The following TENM3 variants were observed in gnomAD, a reference collection of about 807,000 sequenced individuals.
The protein encoded by TENM3 is teneurin-3.
Under a neutral mutation model 255.1 loss-of-function variants are expected in TENM3, and 63 were observed. The ratio of observed to expected loss-of-function variants is 0.25; its 90% CI spans 0.20 to 0.30. TENM3 has a LOEUF of 0.30. Ranked by LOEUF, TENM3 falls within the 10% of genes least tolerant of loss-of-function variation. The probability of loss-of-function intolerance (pLI) is 1.00; values close to 1 mark genes in which losing one functional copy is unlikely to be tolerated. For missense variants in TENM3, 2,929 were observed against 3,461.1 expected, an observed-to-expected ratio of 0.85 and a Z score of 3.86; for synonymous variants, 1,306 against 1,322.3, an observed-to-expected ratio of 0.99 and a Z score of 0.27.
chr4:181,524,513 G>A, the TENM3 span, among the ~76,000 whole-genome samples: 1 of 152,106 alleles, frequency 6.6e-6, no homozygotes, highest in African/African-American at 2.4e-5. Flanking sequence ...TTCCTAGCAG[G>A]TTTTATGCAT....
At chr4:181,748,365 A>G in the TENM3 span, among the ~76,000 whole-genome samples, 2 of 152,066 alleles carry the variant, frequency 1.3e-5, no homozygotes, top group Non-Finnish European at 2.9e-5. Flanking sequence ...ATTTATTTAC[A>G]TTTATTTCAC....
chr4:182,099,875 G>T, the TENM3 span, among the ~76,000 whole-genome samples: 1 of 152,090 alleles, frequency 6.6e-6, no homozygotes, highest in Non-Finnish European at 1.5e-5. Flanking sequence ...GGTAAAGAGG[G>T]AAGCAGGGGC....
rs879163487 is a variant in TENM3 at position 182,346,546 on chromosome 4, T to C, written c.233-105T>C. 6.0e-5 allele frequency: 63 copies of C among 1,050,156 alleles called. No individual in the cohort carries two copies. The South Asian group carries it at 9.9e-4, about 16-fold the overall frequency. The allele number at this position is 1,050,156 out of a possible 1,614,324, so 65.1% of individuals were successfully genotyped here. On this transcript the variant is annotated intron_variant, in intron 2 of 27. Coordinates refer to ENST00000511685, the MANE Select transcript of TENM3 (RefSeq NM_001080477.4). ...TGCTGATCGCTGAAAAGCCTAAATGTTTGAGTGTTTATTTCTGAAAGACAT... is the reference window on the plus strand; with the variant it reads ...TGCTGATCGCTGAAAAGCCTAAATGCTTGAGTGTTTATTTCTGAAAGACAT...
chr4:182,528,527 T>C (rs1193114278), intron 3 of TENM3, among the ~76,000 whole-genome samples: 1 of 152,196 alleles, frequency 6.6e-6, no homozygotes, highest in Admixed American at 6.5e-5. Context: ...AGAGTGATTC[T>C]TTTTTATCAG....
chr4:181,935,597 C>T, the TENM3 span, among the ~76,000 whole-genome samples: 1 of 152,194 alleles, frequency 6.6e-6, no homozygotes, highest in Non-Finnish European at 1.5e-5. Context: ...TCTTCACTCT[C>T]AAAGCTGCCA....
chr4:182,766,519 G>T (rs554089080), intron 22 of TENM3, among the ~76,000 whole-genome samples: 71 of 152,308 alleles, frequency 4.7e-4, no homozygotes, highest in African/African-American at 1.5e-3. Context: ...GAATTTCAGA[G>T]CTGGGCATTA....
chr4:182,784,522 G>T (rs1765459853), intron 24 of TENM3, among the ~76,000 whole-genome samples: 1 of 151,660 alleles, frequency 6.6e-6, no homozygotes, highest in Non-Finnish European at 1.5e-5. Flanking sequence ...TCTGTGCCCT[G>T]CCCCCAGAGG....
the TENM3 span, among the ~76,000 whole-genome samples, chr4:181,518,664 T>C: frequency 6.6e-6 from 1 of 152,176 alleles, no homozygotes; most frequent in South Asian, 2.1e-4. Context: ...CCTGACCTCG[T>C]GATCCGCCCG....
chr4:182,649,542 C>A (rs1467260932), intron 5 of TENM3, among the ~76,000 whole-genome samples: 2 of 150,390 alleles, frequency 1.3e-5, no homozygotes, highest in Admixed American at 6.6e-5. Context: ...ATTAAATCTA[C>A]ATGATTATTT....
chr4:182,044,526 T>C, the TENM3 span, among the ~76,000 whole-genome samples: 1 of 152,250 alleles, frequency 6.6e-6, no homozygotes, highest in African/African-American at 2.4e-5. Flanking sequence ...AAAAGGGCAC[T>C]GAGAAGAAAA....
chr4:182,731,246 C>G (rs546889973), intron 16 of TENM3, 107 bp downstream of exon 16: 2 of 1,172,666 alleles, frequency 1.7e-6, no homozygotes, highest in Non-Finnish European at 2.4e-6. Context: ...TGGCTCACTC[C>G]TGTAATCCCA....
intron 3 of TENM3, among the ~76,000 whole-genome samples, chr4:182,508,055 C>T (rs542832008): frequency 6.6e-6 from 1 of 152,260 alleles, no homozygotes; most frequent in South Asian, 2.1e-4. Context: ...CACTAACTAA[C>T]TGGGTGGACT....
chr4:182,576,299 A>G (rs966880778), intron 3 of TENM3, among the ~76,000 whole-genome samples: 1 of 152,238 alleles, frequency 6.6e-6, no homozygotes, highest in Admixed American at 6.5e-5. Flanking sequence ...TGTGTGAGAG[A>G]CACACATGCG....
At chr4:182,162,035 A>G (rs12641260) in intron 1 of TENM3, among the ~76,000 whole-genome samples, 16,373 of 138,102 alleles carry the variant, frequency 0.12, 1,329 homozygotes, top group East Asian at 0.36. Context: ...AGTCGGTTCA[A>G]TGGATTTCTT....
the TENM3 span, among the ~76,000 whole-genome samples, chr4:181,702,755 T>C: frequency 1.3e-5 from 2 of 152,214 alleles, no homozygotes; most frequent in South Asian, 4.1e-4. Flanking sequence ...TGTAGTATTC[T>C]ATTTTTTTGA....
intron 3 of TENM3, among the ~76,000 whole-genome samples, chr4:182,456,682 G>A (rs947253840): frequency 2.6e-5 from 4 of 152,158 alleles, no homozygotes; most frequent in Non-Finnish European, 5.9e-5. Flanking sequence ...CTAAAGTAGG[G>A]AAGAGATAAT....
At chr4:181,862,771 A>G in the TENM3 span, among the ~76,000 whole-genome samples, 1 of 152,164 alleles carries the variant, frequency 6.6e-6, no homozygotes, top group Non-Finnish European at 1.5e-5. Flanking sequence ...TTTGATGACT[A>G]GACTATTATG....
the TENM3 span, among the ~76,000 whole-genome samples, chr4:181,903,405 GA>G: frequency 1.6e-3 from 246 of 152,246 alleles, 2 homozygotes; most frequent in African/African-American, 5.7e-3. Context: ...GCATTTCTAA[GA>G]AACCAGTTCA....
chr4:181,558,646 G>T, the TENM3 span, among the ~76,000 whole-genome samples: 40,319 of 152,080 alleles, frequency 0.27, 6,047 homozygotes, highest in African/African-American at 0.39. Flanking sequence ...ATGATGCCTG[G>T]GTTGTGAGGT....
Sources: allele counts gnomAD v4.1 joint callset (sites outside exome capture counted in the v4.1 genomes callset), GRCh38; gene constraint gnomAD v4.1.1; transcripts MANE v1.5; gene names NCBI Gene and HGNC (gene_info 2026-07-23, HGNC 2026-07-21).